The following NTF3 variants were observed in gnomAD, a reference collection of about 807,000 sequenced individuals.
The protein encoded by NTF3 is neurotrophin 3, also known as neurotrophin-3.
In NTF3, 8 loss-of-function variants were observed where a neutral mutation model predicts 26.3. That is an observed-to-expected ratio of 0.30 (90% CI 0.18 to 0.55). The LOEUF (loss-of-function observed/expected upper bound fraction) is 0.55. Among genes scored for constraint, NTF3 ranks in the 20% least tolerant of loss-of-function variants. The probability of loss-of-function intolerance (pLI) is 0.93; values close to 1 mark genes in which losing one functional copy is unlikely to be tolerated. For missense variants in NTF3, 276 were observed against 352.9 expected (o/e 0.78, Z 1.75); for synonymous variants, 154 against 145.5 (o/e 1.06, Z -0.42).
At chr12:5,466,051 T>C (rs1940585235) in intron 1 of NTF3, among the ~76,000 whole-genome samples, 1 of 152,138 alleles carries the variant, frequency 6.6e-6, no homozygotes, top group African/African-American at 2.4e-5. Flanking sequence ...TCGTGCCCAA[T>C]GTGTCTCAGC....
chr12:5,435,186 A>C (rs932965211), intron 1 of NTF3, among the ~76,000 whole-genome samples: 8 of 152,190 alleles, frequency 5.3e-5, no homozygotes. Context: ...TCAGGGATGC[A>C]TGTTGTATAA....
At chr12:5,450,401 T>C (rs1224870656) in intron 1 of NTF3, among the ~76,000 whole-genome samples, 1 of 152,206 alleles carries the variant, frequency 6.6e-6, no homozygotes, top group African/African-American at 2.4e-5. Context: ...TCTTGTAGGG[T>C]TGGATAAGCC....
At chr12:5,487,769 C>G (rs1178318585) in intron 1 of NTF3, among the ~76,000 whole-genome samples, 2 of 152,190 alleles carry the variant, frequency 1.3e-5, no homozygotes, top group Non-Finnish European at 2.9e-5. Context: ...TGCCCCTTCT[C>G]TCACCTGGTT....
At chr12:5,441,283 AG>A (rs1940232944) in intron 1 of NTF3, among the ~76,000 whole-genome samples, 1 of 152,252 alleles carries the variant, frequency 6.6e-6, no homozygotes, top group African/African-American at 2.4e-5. Flanking sequence ...GGGAGCTAGT[AG>A]AAAAATCTGG....
At chr12:5,443,251 T>C (rs771988638) in intron 1 of NTF3, among the ~76,000 whole-genome samples, 32 of 152,184 alleles carry the variant, frequency 2.1e-4, no homozygotes, top group Non-Finnish European at 3.1e-4. Context: ...TTGGTCTTCT[T>C]GTCATGTAAG....
intron 1 of NTF3, among the ~76,000 whole-genome samples, chr12:5,437,142 G>A (rs1940176804): frequency 2.0e-5 from 3 of 152,186 alleles, no homozygotes; most frequent in Admixed American, 6.5e-5. Context: ...AGAGGGGCAT[G>A]GAAACACACT....
At chr12:5,467,058 C>T (rs1940598953) in intron 1 of NTF3, among the ~76,000 whole-genome samples, 1 of 151,710 alleles carries the variant, frequency 6.6e-6, no homozygotes, top group Non-Finnish European at 1.5e-5. Flanking sequence ...GGTGAAACCC[C>T]GTCTCTACTA....
At chr12:5,437,219 T>C (rs1315034078) in intron 1 of NTF3, among the ~76,000 whole-genome samples, 1 of 152,178 alleles carries the variant, frequency 6.6e-6, no homozygotes, top group Admixed American at 6.5e-5. Context: ...CAGGCTCCCA[T>C]CCTTGAGTTC....
intron 1 of NTF3, among the ~76,000 whole-genome samples, chr12:5,466,453 G>A (rs1268577209): frequency 6.6e-6 from 1 of 152,210 alleles, no homozygotes; most frequent in East Asian, 1.9e-4. Context: ...CCCCAAGGGT[G>A]TCTTCTACAA....
intron 1 of NTF3, among the ~76,000 whole-genome samples, chr12:5,445,783 T>C (rs2121157424): frequency 6.6e-6 from 1 of 152,330 alleles, no homozygotes; most frequent in Admixed American, 6.5e-5. Context: ...TTTGGCGGCT[T>C]TGCCATGATA....
chr12:5,451,069 T>C (rs1347873161), intron 1 of NTF3, among the ~76,000 whole-genome samples: 1 of 152,190 alleles, frequency 6.6e-6, no homozygotes, highest in East Asian at 1.9e-4. Context: ...TTTAAATCAT[T>C]TTCCTTCCCT....
chr12:5,467,533 G>C (rs1940608717), intron 1 of NTF3, among the ~76,000 whole-genome samples: 1 of 152,100 alleles, frequency 6.6e-6, no homozygotes, highest in Non-Finnish European at 1.5e-5. Flanking sequence ...TTATTTCGTT[G>C]ATTGATTAAG....
chr12:5,455,762 C>G (rs1288851507), intron 1 of NTF3, among the ~76,000 whole-genome samples: 1 of 152,138 alleles, frequency 6.6e-6, no homozygotes, highest in South Asian at 2.1e-4. Context: ...AGCAGCTGAT[C>G]GGGAACATGT....
rs1940994485 is a variant in NTF3, at chr12:5,495,273, G to C, written c.*285G>C. ...ATTCAGTATTGTCAAGGCCATGACT[G>C]TTGTTTTAGTAAACTTGTTAAAATC... On this transcript the variant is annotated 3_prime_UTR_variant, in exon 2 of 2. Coordinates refer to ENST00000423158, the MANE Select transcript of NTF3 (RefSeq NM_001102654.2). 2 of 366,122 alleles carry C rather than the reference G, an allele frequency of 5.5e-6. No individual in the cohort carries two copies. Among genetic ancestry groups the C allele is most frequent in the East Asian group, 1.2e-4 (2 of 16,772 alleles). The allele number at this position is 366,122 out of a possible 1,614,324, so 22.7% of individuals were successfully genotyped here.
At chr12:5,457,600 G>T (rs1940467942) in intron 1 of NTF3, among the ~76,000 whole-genome samples, 1 of 152,046 alleles carries the variant, frequency 6.6e-6, no homozygotes, top group African/African-American at 2.4e-5. Context: ...AGTGTCCCAG[G>T]TCTCTTATAT....
chr12:5,430,496 C>T (rs1445484453), upstream of NTF3, among the ~76,000 whole-genome samples: 4 of 151,488 alleles, frequency 2.6e-5, no homozygotes, highest in South Asian at 2.1e-4. Flanking sequence ...CCTCGGTGGG[C>T]GCTTCTGGCG....
intron 1 of NTF3, among the ~76,000 whole-genome samples, chr12:5,437,236 CATAA>C (rs1443323764): frequency 1.3e-5 from 2 of 152,190 alleles, no homozygotes; most frequent in East Asian, 1.9e-4. Context: ...GTTCAGTGGC[CATAA>C]ATAGTCAGGA....
At chr12:5,455,410 C>T (rs1940425870) in intron 1 of NTF3, among the ~76,000 whole-genome samples, 2 of 152,204 alleles carry the variant, frequency 1.3e-5, no homozygotes, top group South Asian at 2.1e-4. Flanking sequence ...GGCAGGAGGA[C>T]GATGCATGCA....
chr12:5,440,899 G>C lies in NTF3; in HGVS notation c.18+8557G>C, dbSNP rs560516199. Among the ~76,000 whole-genome samples the C allele has an allele frequency of 8.5e-5, 13 of 152,346 alleles. No individual in the cohort carries two copies. In the South Asian group the frequency reaches 1.9e-3, roughly 22 times the overall value. ...AGGACTTACATAGAGTGATTTGGAGGGGGTGGAGGAGGAAATTAAGTTATG... is the reference window on the plus strand; with the variant it reads ...AGGACTTACATAGAGTGATTTGGAGCGGGTGGAGGAGGAAATTAAGTTATG... On this transcript the variant is annotated intron_variant, in intron 1 of 1. Coordinates refer to ENST00000423158, the MANE Select transcript of NTF3 (RefSeq NM_001102654.2).
Sources: allele counts gnomAD v4.1 joint callset (sites outside exome capture counted in the v4.1 genomes callset), GRCh38; gene constraint gnomAD v4.1.1; transcripts MANE v1.5; gene names NCBI Gene and HGNC (gene_info 2026-07-23, HGNC 2026-07-21).